NPSR1: variants seen among roughly 807,000 people sequenced by gnomAD.
NPSR1 encodes the protein neuropeptide S receptor.
Under a neutral mutation model 46.9 loss-of-function variants are expected in NPSR1, and 48 were observed. That is an observed-to-expected ratio of 1.02 (90% CI 0.81 to 1.30). The LOEUF (loss-of-function observed/expected upper bound fraction) is 1.30. NPSR1 is among the 50% of genes most tolerant of loss of function. NPSR1 has a pLI of 0.00. For missense variants in NPSR1, 450 were observed against 449.5 expected (o/e 1.00, Z -0.01); for synonymous variants, 176 against 168.1 (o/e 1.05, Z -0.36).
chr7:34,841,826 T>C (rs1050489012), intron 6 of NPSR1, among the ~76,000 whole-genome samples: 8 of 152,142 alleles, frequency 5.3e-5, no homozygotes, highest in Non-Finnish European at 1.0e-4. Context: ...ACCAACTTAG[T>C]CTTCAGAGCC....
At chr7:34,705,453 G>GAT (rs1794057466) in intron 2 of NPSR1, among the ~76,000 whole-genome samples, 1 of 143,060 alleles carries the variant, frequency 7.0e-6, no homozygotes, top group Non-Finnish European at 1.5e-5. Flanking sequence ...AAAAAAAAAA[G>GAT]AGAGAAAAGA....
intron 7 of NPSR1, among the ~76,000 whole-genome samples, chr7:34,847,016 C>T (rs532599529): frequency 6.6e-6 from 1 of 152,248 alleles, no homozygotes; most frequent in South Asian, 2.1e-4. Context: ...GCCATTTGCC[C>T]CCTTAGTGCC....
At chr7:34,817,604 G>A (rs1243026553) in intron 4 of NPSR1, among the ~76,000 whole-genome samples, 1 of 128,480 alleles carries the variant, frequency 7.8e-6, no homozygotes, top group African/African-American at 3.0e-5. Context: ...GCCTGGCAGA[G>A]ACAAAACAAA....
At chr7:34,818,694 C>T (rs1244743188) in intron 4 of NPSR1, among the ~76,000 whole-genome samples, 1 of 152,196 alleles carries the variant, frequency 6.6e-6, no homozygotes, top group Non-Finnish European at 1.5e-5. Context: ...GTAACCAAAA[C>T]AGCAAGGTAC....
At chr7:34,712,362 A>G (rs1346091324) in intron 2 of NPSR1, among the ~76,000 whole-genome samples, 2 of 152,128 alleles carry the variant, frequency 1.3e-5, no homozygotes, top group African/African-American at 4.8e-5. Flanking sequence ...GTGCTTTTCT[A>G]TGCCTTCTTC....
At chr7:34,737,985 A>G (rs768190677) in intron 2 of NPSR1, among the ~76,000 whole-genome samples, 3 of 152,180 alleles carry the variant, frequency 2.0e-5, no homozygotes, top group Non-Finnish European at 2.9e-5. Flanking sequence ...GAAGATTTTT[A>G]TCTGTTTTAT....
At chr7:34,868,688 G>A (rs966814726) in intron 8 of NPSR1, among the ~76,000 whole-genome samples, 3 of 151,670 alleles carry the variant, frequency 2.0e-5, no homozygotes, top group Non-Finnish European at 2.9e-5. Context: ...AATAAGAGGG[G>A]CAGCTCTCAC....
At chr7:34,725,099 T>TCA (rs56880784) in intron 2 of NPSR1, among the ~76,000 whole-genome samples, 23,367 of 146,496 alleles carry the variant, frequency 0.16, 2,689 homozygotes, top group African/African-American at 0.34. Flanking sequence ...ACACACAGAC[T>TCA]CACACACACA....
rs572517789 is a variant in NPSR1, at chr7:34,849,813, G to C, written c.*158G>C. 1.8e-5 allele frequency: 26 copies of C among 1,424,306 alleles called. No individual in the cohort carries two copies. The African/African-American group carries it at 2.7e-4, about 15-fold the overall frequency. 88.2% of individuals were successfully genotyped at this position (1,424,306 alleles called of 1,614,324 possible). On this transcript the variant is annotated 3_prime_UTR_variant, in exon 9 of 9. Transcript: ENST00000360581. ...AAATGTTCTAATGACTGCATGCACT[G>C]CTTAAGTATTGGCCAACACGAACTC...
In NPSR1 at chr7:34,870,001, C is replaced by T. The variant is rs562151837; in HGVS notation, c.1026-8075C>T. On this transcript the variant is annotated intron_variant, in intron 8 of 8. Coordinates refer to the NPSR1 transcript ENST00000359791. ...GCTTTTTCTTTTTCAAGAACAGGTA[C>T]GTGAACATTTAGCAGCATACTTTTG... Among the ~76,000 whole-genome samples the T allele has an allele frequency of 3.3e-5, 5 of 151,860 alleles. No homozygotes were observed. In the South Asian group the frequency reaches 1.0e-3, roughly 31 times the overall value.
At chr7:34,875,434 C>T (rs992143592) in intron 8 of NPSR1, among the ~76,000 whole-genome samples, 7 of 152,226 alleles carry the variant, frequency 4.6e-5, no homozygotes, top group South Asian at 4.1e-4. Flanking sequence ...CTGCTTCCGG[C>T]GCCCTACCTC....
chr7:34,858,335 C>A (rs1406680462), intron 8 of NPSR1, among the ~76,000 whole-genome samples: 2 of 151,578 alleles, frequency 1.3e-5, no homozygotes. Flanking sequence ...GTATTTCATA[C>A]AATGGAATAC....
chr7:34,757,084 G>A (rs532929746), intron 2 of NPSR1, among the ~76,000 whole-genome samples: 1 of 152,294 alleles, frequency 6.6e-6, no homozygotes, highest in Admixed American at 6.5e-5. Context: ...TTGGTTCGAT[G>A]AGAGCATGCC....
intron 2 of NPSR1, among the ~76,000 whole-genome samples, chr7:34,688,064 C>T (rs1324318350): frequency 1.3e-5 from 2 of 152,108 alleles, no homozygotes; most frequent in Non-Finnish European, 2.9e-5. Flanking sequence ...TCCATTGGTA[C>T]TGCTGAAAAG....
chr7:34,730,226 A>C (rs1784359282), intron 2 of NPSR1, among the ~76,000 whole-genome samples: 1 of 152,224 alleles, frequency 6.6e-6, no homozygotes, highest in Admixed American at 6.5e-5. Flanking sequence ...AAATATATAT[A>C]AGAACCTAGG....
At chr7:34,823,417 CAACA>C (rs1789668253) in intron 4 of NPSR1, among the ~76,000 whole-genome samples, 2 of 103,958 alleles carry the variant, frequency 1.9e-5, no homozygotes, top group African/African-American at 8.6e-5. Flanking sequence ...AAAAAAAAAA[CAACA>C]CCATAAATGA....
chr7:34,873,547 C>T (rs1281636250), intron 8 of NPSR1, among the ~76,000 whole-genome samples: 1 of 151,748 alleles, frequency 6.6e-6, no homozygotes, highest in African/African-American at 2.4e-5. Flanking sequence ...GAAGGAGGAG[C>T]CAATGTGTCA....
chr7:34,834,056 T>C (rs1039481307), intron 5 of NPSR1: 4 of 339,992 alleles, frequency 1.2e-5, no homozygotes, highest in Admixed American at 4.5e-5. Flanking sequence ...AACAGACAAG[T>C]AGAGGAGACC....
At chr7:34,768,079 T>C (rs1023650358) in intron 2 of NPSR1, among the ~76,000 whole-genome samples, 1 of 152,304 alleles carries the variant, frequency 6.6e-6, no homozygotes, top group East Asian at 1.9e-4. Context: ...GATAACTATA[T>C]GTACTGAGAC....
Sources: allele counts gnomAD v4.1 joint callset (sites outside exome capture counted in the v4.1 genomes callset), GRCh38; gene constraint gnomAD v4.1.1; transcripts MANE v1.5; gene names NCBI Gene and HGNC (gene_info 2026-07-23, HGNC 2026-07-21).